Variants in CIBAR1 observed in about 807,000 individuals in gnomAD.
The protein encoded by CIBAR1 is CBY1 interacting BAR domain containing 1, also known as CBY1-interacting BAR domain-containing protein 1.
Under a neutral mutation model 44.0 loss-of-function variants are expected in CIBAR1, and 25 were observed. The ratio of observed to expected loss-of-function variants is 0.57; its 90% confidence interval spans 0.41 to 0.79. CIBAR1 has a LOEUF of 0.79. Among genes scored for constraint, CIBAR1 ranks in the 30% least tolerant of loss-of-function variants. CIBAR1 has a pLI of 0.00. For synonymous variants in CIBAR1, 115 were observed against 119.0 expected, an observed-to-expected ratio of 0.97 and a Z score of 0.22; for missense variants, 278 against 344.8, an observed-to-expected ratio of 0.81 and a Z score of 1.53.
chr8:93,712,092 A>G (rs1423485792), intron 6 of CIBAR1, among the ~76,000 whole-genome samples: 1 of 152,244 alleles, frequency 6.6e-6, no homozygotes, highest in Non-Finnish European at 1.5e-5. Flanking sequence ...GAAGAAACTT[A>G]CACTTTAAAA....
At chr8:93,702,525 A>G (rs1387320362) in intron 2 of CIBAR1, 2 of 455,976 alleles carry the variant, frequency 4.4e-6, no homozygotes, top group Middle Eastern at 3.3e-4. Flanking sequence ...TGGAGGTCCT[A>G]ATGAACAATG....
chr8:93,704,718 A>G (rs2130287673), intron 3 of CIBAR1, among the ~76,000 whole-genome samples, 191 bp from the exon 4 acceptor site: 1 of 152,308 alleles, frequency 6.6e-6, no homozygotes, highest in East Asian at 1.9e-4. Flanking sequence ...ATTTTGAGAG[A>G]ATATTAAACA....
At chr8:93,723,842 C>T (rs749016904) in intron 7 of CIBAR1, among the ~76,000 whole-genome samples, 16 of 152,110 alleles carry the variant, frequency 1.1e-4, no homozygotes, top group Non-Finnish European at 2.1e-4. Flanking sequence ...TCTTGAAGGA[C>T]AGTTTGTTGT....
At position 93,713,844 on chromosome 8, in the gene CIBAR1, T is replaced by A. The variant is rs576856766; in HGVS notation, c.543+3969T>A. 1.7e-4 allele frequency among the ~76,000 whole-genome samples: 26 copies of A among 152,352 alleles called. No individual in the cohort carries two copies. The South Asian group carries it at 4.8e-3, about 28-fold the overall frequency. On this transcript the variant is annotated intron_variant, in intron 6 of 8. Coordinates refer to ENST00000518322, the MANE Select transcript of CIBAR1 (RefSeq NM_145269.5). ...TCATTGATCTATGTGTCTATCCTTA[T>A]GTCAATACCACACTGTCCTAACATT...
rs1250352684 is a variant in CIBAR1 at position 93,700,606 on chromosome 8, T to G, written c.-42T>G. ...GCGCCCAGGCGCCTTGGAATCCCCGTCCTTGGGCCCCCGCAAGGTCCCCGG... is the reference window on the plus strand; with the variant it reads ...GCGCCCAGGCGCCTTGGAATCCCCGGCCTTGGGCCCCCGCAAGGTCCCCGG... On this transcript the variant is annotated 5_prime_UTR_variant, in exon 1 of 9. Coordinates refer to ENST00000518322, the MANE Select transcript of CIBAR1 (RefSeq NM_145269.5). 3 of 1,476,506 alleles carry G rather than the reference T, an allele frequency of 2.0e-6. No homozygotes were observed. The highest frequency in any genetic ancestry group is 2.7e-6 in the Non-Finnish European group (3 of 1,113,506). The allele number at this position is 1,476,506 out of a possible 1,614,324, so 91.5% of individuals were successfully genotyped here.
chr8:93,713,356 T>C (rs983288969), intron 6 of CIBAR1, among the ~76,000 whole-genome samples: 1 of 152,094 alleles, frequency 6.6e-6, no homozygotes, highest in African/African-American at 2.4e-5. Flanking sequence ...TTTAACTGGA[T>C]TGTCTTATTT....
intron 6 of CIBAR1, among the ~76,000 whole-genome samples, chr8:93,713,903 A>T (rs905113977): frequency 6.6e-6 from 1 of 152,086 alleles, no homozygotes; most frequent in African/African-American, 2.4e-5. Flanking sequence ...AGGTAATGTG[A>T]GTCTTTGTAC....
Position 93,715,149 on chromosome 8 carries a change from CAG to C in CIBAR1, c.544-3523_544-3522del, listed in dbSNP as rs548813633. ...TTGAAGACTTTTCATAGGAACTTTGCAGAGTGTCTCTCTGAAATCGGCTGGCA... is the reference window on the plus strand; with the variant it reads ...TTGAAGACTTTTCATAGGAACTTTGCAGTGTCTCTCTGAAATCGGCTGGCA... On this transcript the variant is annotated intron_variant, in intron 6 of 8. Transcript: ENST00000518322. 5.2e-3 allele frequency among the ~76,000 whole-genome samples: 794 copies of C among 152,300 alleles called. 5 individuals carry two copies. Among genetic ancestry groups the C allele is most frequent in the Non-Finnish European group, 7.3e-3 (494 of 68,018 alleles).
chr8:93,726,736 T>C, intron 8 of CIBAR1: 2 of 495,778 alleles, frequency 4.0e-6, no homozygotes, highest in Non-Finnish European at 7.1e-6. Context: ...AGCATAACAC[T>C]TGAGAGCAGA....
chr8:93,711,064 A>G (rs1016424012), intron 6 of CIBAR1, among the ~76,000 whole-genome samples: 1 of 152,216 alleles, frequency 6.6e-6, no homozygotes, highest in African/African-American at 2.4e-5. Context: ...ATGGTATCTT[A>G]GTCAACAAAA....
At chr8:93,702,493 A>G (rs905530360) in intron 2 of CIBAR1, 1 of 455,220 alleles carries the variant, frequency 2.2e-6, no homozygotes, top group Non-Finnish European at 4.4e-6. Flanking sequence ...TTCTCCTTTT[A>G]TTTCCCTTGC....
At chr8:93,724,727 A>C in intron 7 of CIBAR1, 1 of 1,069,302 alleles carries the variant, frequency 9.4e-7, no homozygotes, top group South Asian at 2.0e-5. Flanking sequence ...ATAACTATTT[A>C]AAGTTCAATT....
At chr8:93,710,793 T>C (rs952854528) in intron 6 of CIBAR1, among the ~76,000 whole-genome samples, 3 of 146,742 alleles carry the variant, frequency 2.0e-5, no homozygotes, top group African/African-American at 7.6e-5. Context: ...AAGAAGATCA[T>C]GCCACTGCAC....
rs115299033 is a variant in CIBAR1, at chr8:93,706,856, C to T, written c.433-1155C>T. Among the ~76,000 whole-genome samples the T allele has an allele frequency of 5.5e-3, 833 of 152,188 alleles. 11 individuals carry two copies. Among genetic ancestry groups the T allele is most frequent in the African/African-American group, 0.019 (791 of 41,496 alleles). ...TAGTCAATATAAATATACAAATATT[C>T]GATCATAGTATTATGGCATATTTCC... On this transcript the variant is annotated intron_variant, in intron 4 of 8. Transcript: ENST00000518322.
At chr8:93,707,199 T>G (rs1371506685) in intron 4 of CIBAR1, 2 of 424,594 alleles carry the variant, frequency 4.7e-6, no homozygotes, top group Middle Eastern at 3.4e-4. Flanking sequence ...TGGTATATTA[T>G]AGAATTTTGA....
intron 1 of CIBAR1, 29 bp downstream of exon 1, chr8:93,700,702 C>A: frequency 6.7e-7 from 1 of 1,494,150 alleles, no homozygotes; most frequent in Non-Finnish European, 8.9e-7. Context: ...CTGCCCAGGG[C>A]CGCCCACACT....
intron 7 of CIBAR1, chr8:93,719,756 T>C (rs1025850157): frequency 6.6e-6 from 1 of 152,124 alleles, no homozygotes; most frequent in Non-Finnish European, 1.5e-5. Flanking sequence ...AATGAGCAAT[T>C]CTGTAAATAT....
At chr8:93,727,781 C>T (rs145492567) in intron 8 of CIBAR1, among the ~76,000 whole-genome samples, 2 of 152,324 alleles carry the variant, frequency 1.3e-5, no homozygotes, top group East Asian at 1.9e-4. Flanking sequence ...AATTCAGATT[C>T]TCAACTCATT....
At chr8:93,726,247 C>T (rs1811491585) in intron 7 of CIBAR1, 147 bp from the exon 8 acceptor site, 1 of 664,154 alleles carries the variant, frequency 1.5e-6, no homozygotes, top group Admixed American at 3.3e-5. Flanking sequence ...TTTTTGTTGT[C>T]TTTTCTTTTA....
Sources: allele counts gnomAD v4.1 joint callset (sites outside exome capture counted in the v4.1 genomes callset), GRCh38; gene constraint gnomAD v4.1.1; transcripts MANE v1.5; gene names NCBI Gene and HGNC (gene_info 2026-07-23, HGNC 2026-07-21).